Variants in JMJD1C observed in about 807,000 individuals in gnomAD.
JMJD1C encodes jumonji domain containing 1C.
In JMJD1C, 31 loss-of-function variants were observed where a neutral mutation model predicts 245.3. The ratio of observed to expected loss-of-function variants is 0.13; its 90% CI spans 0.09 to 0.17. The LOEUF is 0.17. Among genes scored for constraint, JMJD1C ranks in the 10% least tolerant of loss-of-function variants. JMJD1C has a pLI of 1.00. For missense variants in JMJD1C, 2,691 were observed against 3,000.2 expected (o/e 0.90, Z 2.41); for synonymous variants, 1,057 against 1,017.4 (o/e 1.04, Z -0.74).
chr10:63,459,315 TG>T (rs1175244824), intron 1 of JMJD1C, among the ~76,000 whole-genome samples: 1 of 152,198 alleles, frequency 6.6e-6, no homozygotes, highest in Non-Finnish European at 1.5e-5. Context: ...TAAAGAATAG[TG>T]GACCTACAGT....
chr10:63,387,981 C>T (rs1947761561), intron 1 of JMJD1C, among the ~76,000 whole-genome samples: 3 of 152,052 alleles, frequency 2.0e-5, no homozygotes, highest in East Asian at 1.9e-4. Flanking sequence ...AAATCCTCAT[C>T]ACATATAGGA....
At chr10:63,246,519 A>T (rs928695255) in intron 3 of JMJD1C, among the ~76,000 whole-genome samples, 29 of 151,840 alleles carry the variant, frequency 1.9e-4, no homozygotes, top group African/African-American at 7.0e-4. Flanking sequence ...TGGAGAGAGA[A>T]TTTTTTTTTC....
intron 1 of JMJD1C, among the ~76,000 whole-genome samples, chr10:63,520,282 C>T (rs1288523044): frequency 2.0e-5 from 3 of 152,038 alleles, no homozygotes; most frequent in African/African-American, 7.2e-5. Flanking sequence ...GTATTATTAC[C>T]CCCTTTTTAT....
intron 1 of JMJD1C, among the ~76,000 whole-genome samples, chr10:63,429,879 T>C (rs1300423309): frequency 3.9e-5 from 6 of 152,204 alleles, no homozygotes; most frequent in African/African-American, 1.4e-4. Context: ...TCCATATATA[T>C]TCAACAAACC....
intron 5 of JMJD1C, among the ~76,000 whole-genome samples, chr10:63,216,974 C>T (rs1848066784): frequency 6.6e-6 from 1 of 152,110 alleles, no homozygotes; most frequent in African/African-American, 2.4e-5. Context: ...GAGTTTAATG[C>T]CTCTATTTTA....
At chr10:63,234,905 C>T (rs1850539927) in intron 3 of JMJD1C, among the ~76,000 whole-genome samples, 1 of 152,018 alleles carries the variant, frequency 6.6e-6, no homozygotes, top group Non-Finnish European at 1.5e-5. Context: ...TTCTGTAATA[C>T]ATTTTTTATG....
intron 1 of JMJD1C, among the ~76,000 whole-genome samples, chr10:63,414,195 C>T (rs942444052): frequency 2.0e-5 from 3 of 151,936 alleles, no homozygotes; most frequent in African/African-American, 7.3e-5. Flanking sequence ...ACTGTGTTAA[C>T]CAGGATGGTC....
chr10:63,479,970 G>A (rs58606404), intron 1 of JMJD1C, among the ~76,000 whole-genome samples: 5,279 of 152,154 alleles, frequency 0.035, 247 homozygotes, highest in African/African-American at 0.11. Context: ...GGATTTCTTT[G>A]GGTGATAGAT....
chr10:63,457,489 C>T (rs1474997150), intron 1 of JMJD1C, among the ~76,000 whole-genome samples: 1 of 151,918 alleles, frequency 6.6e-6, no homozygotes, highest in African/African-American at 2.4e-5. Context: ...CAACATAGTA[C>T]AAGTAAATTC....
intron 2 of JMJD1C, among the ~76,000 whole-genome samples, chr10:63,291,761 A>C (rs1858751972): frequency 6.6e-6 from 1 of 152,138 alleles, no homozygotes. Flanking sequence ...AGCATATGCC[A>C]CTGTGCCCAG....
intron 3 of JMJD1C, among the ~76,000 whole-genome samples, chr10:63,248,407 G>C (rs889871188): frequency 6.6e-6 from 1 of 152,178 alleles, no homozygotes; most frequent in Admixed American, 6.5e-5. Context: ...TGTAAACCCA[G>C]CTACCCCGGA....
At chr10:63,458,205 C>G (rs1401531483) in intron 1 of JMJD1C, among the ~76,000 whole-genome samples, 1 of 152,126 alleles carries the variant, frequency 6.6e-6, no homozygotes, top group Non-Finnish European at 1.5e-5. Flanking sequence ...AAGTGTGAAG[C>G]TGGATGCCAT....
intron 3 of JMJD1C, among the ~76,000 whole-genome samples, chr10:63,259,035 T>G (rs1436983786): frequency 6.6e-6 from 1 of 152,222 alleles, no homozygotes; most frequent in Non-Finnish European, 1.5e-5. Flanking sequence ...TAAAACAATC[T>G]AAAGTGATCT....
At chr10:63,371,593 C>T (rs1296241665) in intron 2 of JMJD1C, among the ~76,000 whole-genome samples, 2 of 152,068 alleles carry the variant, frequency 1.3e-5, no homozygotes, top group African/African-American at 2.4e-5. Flanking sequence ...AAACTGAATA[C>T]ACTTTTTAAA....
intron 1 of JMJD1C, among the ~76,000 whole-genome samples, chr10:63,417,703 T>A (rs1398217219): frequency 6.6e-6 from 1 of 152,194 alleles, no homozygotes; most frequent in Non-Finnish European, 1.5e-5. Context: ...AGAAGTTCCA[T>A]CATATTGTAT....
At chr10:63,240,741 G>C (rs1851378451) in intron 3 of JMJD1C, among the ~76,000 whole-genome samples, 1 of 152,098 alleles carries the variant, frequency 6.6e-6, no homozygotes, top group Admixed American at 6.5e-5. Flanking sequence ...CTTAAGATTT[G>C]GTAAACTTAG....
At chr10:63,348,795 C>G (rs963170170) in intron 2 of JMJD1C, among the ~76,000 whole-genome samples, 12 of 151,992 alleles carry the variant, frequency 7.9e-5, no homozygotes, top group African/African-American at 2.9e-4. Flanking sequence ...TCTATTAGTT[C>G]CCAGGAAAAC....
In JMJD1C at chr10:63,351,071, G is replaced by T. The variant is rs1347667931; in HGVS notation, c.333+29247C>A. Among the ~76,000 whole-genome samples, 3 of 149,560 alleles carry T rather than the reference G, an allele frequency of 2.0e-5. No individual in the cohort carries two copies. In the East Asian group the frequency reaches 5.9e-4, roughly 30 times the overall value. Reference sequence around the variant, plus strand: ...TCTCTGAACTGTGCCTTAACAAACAGAAATTTTTCTTTTTTTTTTTTTTTT... The same window carrying T: ...TCTCTGAACTGTGCCTTAACAAACATAAATTTTTCTTTTTTTTTTTTTTTT... On this transcript the variant is annotated intron_variant, in intron 2 of 25. Coordinates refer to ENST00000399262, the MANE Select transcript of JMJD1C (RefSeq NM_032776.3).
chr10:63,177,517 T>TTCAA, intron 23 of JMJD1C, 200 bp downstream of exon 23: 1 of 574,520 alleles, frequency 1.7e-6, no homozygotes, highest in Non-Finnish European at 3.0e-6. Context: ...CAAATCACCA[T>TTCAA]TCAAAACCCT....
Sources: gnomAD v4.1 joint callset for allele counts (sites outside exome capture counted in the v4.1 genomes callset) on GRCh38, gnomAD v4.1.1 for gene constraint, MANE v1.5 for transcripts, NCBI Gene and HGNC (gene_info 2026-07-23, HGNC 2026-07-21) for gene names.